ZNF34: variants seen among roughly 807,000 people sequenced by gnomAD.
ZNF34 encodes the protein zinc finger protein 34 (KOX 32).
Under a neutral mutation model 14.4 loss-of-function variants are expected in ZNF34, and 8 were observed. That is an observed-to-expected ratio of 0.55 (90% CI 0.33 to 1.00). The LOEUF (loss-of-function observed/expected upper bound fraction) is 1.00, where lower values mean the gene tolerates loss of function less well. Ranked by LOEUF, ZNF34 falls within the 50% of genes least tolerant of loss-of-function variation. The pLI, the probability that ZNF34 is intolerant of heterozygous loss-of-function variation, is 0.03. For synonymous variants in ZNF34, 235 were observed against 247.9 expected (o/e 0.95, Z 0.49); for missense variants, 538 against 674.2 (o/e 0.80, Z 2.24).
intron 1 of ZNF34, 82 bp from the exon 2 acceptor site, chr8:144,780,362 A>G (rs1437509267): frequency 3.0e-5 from 32 of 1,052,322 alleles, no homozygotes; most frequent in Non-Finnish European, 4.4e-5. Context: ...TGGTAGCTAT[A>G]TATCTTTTCT....
rs371285124 is a variant in ZNF34 at position 144,783,567 on chromosome 8, T to C, written c.-107-3287A>G. Among the ~76,000 whole-genome samples, 57 of 152,250 alleles carry C rather than the reference T, an allele frequency of 3.7e-4. No homozygotes were observed. The East Asian group carries it at 9.5e-3, about 25-fold the overall frequency. The stretch of plus-strand genomic sequence containing the variant: ...AGAGAATAATTAATACCACTTCTAT[T>C]TGTCAGCAATCAGCAACCGAAAACT... On this transcript the variant is annotated intron_variant, in intron 1 of 5. Coordinates refer to ENST00000429371, the MANE Select transcript of ZNF34 (RefSeq NM_001286769.2).
At chr8:144,781,422 T>A (rs1420977415) in intron 1 of ZNF34, among the ~76,000 whole-genome samples, 1 of 150,874 alleles carries the variant, frequency 6.6e-6, no homozygotes, top group Non-Finnish European at 1.5e-5. Context: ...GTGCGTTTAA[T>A]TTTTTTTGTA....
At chr8:144,785,899 AATGTCAAGGAGATAGAGCACAGTT>A (rs1368505623) in intron 1 of ZNF34, among the ~76,000 whole-genome samples, 1 of 152,138 alleles carries the variant, frequency 6.6e-6, no homozygotes, top group African/African-American at 2.4e-5. Context: ...GGTGGAAAGT[AATGTCAAGGAGATAGAGCACAGTT>A]ATAAGGCTGA....
intron 1 of ZNF34, among the ~76,000 whole-genome samples, chr8:144,781,299 T>C (rs1272088245): frequency 4.3e-4 from 65 of 151,020 alleles, no homozygotes; most frequent in African/African-American, 1.5e-3. Flanking sequence ...GACGGAGTCT[T>C]ACTCTGTCGC....
At chr8:144,786,510 T>C (rs1826247364) in intron 1 of ZNF34, among the ~76,000 whole-genome samples, 1 of 151,262 alleles carries the variant, frequency 6.6e-6, no homozygotes, top group Non-Finnish European at 1.5e-5. Flanking sequence ...GGCGGGCGCC[T>C]GTAATCCCAG....
chr8:144,783,602 C>T (rs75735177), intron 1 of ZNF34, among the ~76,000 whole-genome samples: 1 of 152,078 alleles, frequency 6.6e-6, no homozygotes, highest in Admixed American at 6.5e-5. Flanking sequence ...TGACCATTCA[C>T]AATAGCTACA....
At chr8:144,781,346 G>A (rs1371242520) in intron 1 of ZNF34, among the ~76,000 whole-genome samples, 1 of 149,540 alleles carries the variant, frequency 6.7e-6, no homozygotes, top group Non-Finnish European at 1.5e-5. Flanking sequence ...TTGGCTCACT[G>A]CAAGCTCTGC....
chr8:144,773,273 G>C lies in ZNF34; in HGVS notation c.1613C>G (p.Ser538Cys), dbSNP rs940040725. 1 of 1,604,796 alleles carries C rather than the reference G, an allele frequency of 6.2e-7. No homozygotes were observed. The highest frequency in any genetic ancestry group is 8.5e-7 in the Non-Finnish European group (1 of 1,173,264). The change falls in exon 6 of 6, where the codon TCC becomes TGC. Residue 538 changes from serine to cysteine, a missense_variant. Transcript: ENST00000429371. This position sits in a 1 kb window ranked among gnomAD's most constrained non-coding sequence, Gnocchi z 5.4. ...TCGGACACCGCGCCACTGTTACATG[G>C]AGAAGTCCTCCCGGAGGTGAATCCG... ...HQRIHLREDF[S>C]M
chr8:144,773,142 A>G lies in ZNF34; in HGVS notation c.*124T>C, dbSNP rs1825262546. 1.2e-5 allele frequency: 13 copies of G among 1,065,054 alleles called. No homozygotes were observed. Among genetic ancestry groups the G allele is most frequent in the Admixed American group, 3.3e-5 (1 of 30,144 alleles). 66.0% of individuals were successfully genotyped at this position (1,065,054 alleles called of 1,614,324 possible). A position where few individuals can be genotyped will look rare whatever the true frequency, so the allele number is the denominator to read the frequency against. On this transcript the variant is annotated 3_prime_UTR_variant, in exon 6 of 6. Coordinates refer to ENST00000429371, the MANE Select transcript of ZNF34 (RefSeq NM_001286769.2). The surrounding 1 kb of genome is among the most constrained non-coding windows in gnomAD (Gnocchi z 5.4). ...TGATTTAAGAAAAGAGGTTTGTTTAATGAGAAACGTCCTTTCACTCTGTGA... is the reference window on the plus strand; with the variant it reads ...TGATTTAAGAAAAGAGGTTTGTTTAGTGAGAAACGTCCTTTCACTCTGTGA...
intron 5 of ZNF34, among the ~76,000 whole-genome samples, chr8:144,776,803 T>C (rs2130233576): frequency 6.6e-6 from 1 of 150,610 alleles, no homozygotes; most frequent in Non-Finnish European, 1.5e-5. Context: ...TCCCAGCTAC[T>C]CGGGAGGCTG....
intron 5 of ZNF34, 94 bp from the exon 6 acceptor site, chr8:144,774,699 A>G: frequency 6.9e-7 from 1 of 1,451,586 alleles, no homozygotes; most frequent in South Asian, 1.4e-5. Flanking sequence ...AACCAATTTG[A>G]TCATCTCCAA....
At chr8:144,774,639 T>A (rs1474250074) in intron 5 of ZNF34, 34 bp from the exon 6 acceptor site, 1 of 1,572,976 alleles carries the variant, frequency 6.4e-7, no homozygotes, top group Non-Finnish European at 8.6e-7. Context: ...AAGGGTCACC[T>A]GCTCTGACTC....
In ZNF34 at chr8:144,777,259, G is replaced by C. The variant is rs770633159; in HGVS notation, c.280+199C>G. On this transcript the variant is annotated intron_variant, in intron 5 of 5. Coordinates refer to ENST00000429371, the MANE Select transcript of ZNF34 (RefSeq NM_001286769.2). The surrounding 1 kb of genome is among the most constrained non-coding windows in gnomAD (Gnocchi z 4.8). The stretch of plus-strand genomic sequence containing the variant: ...TTCCACAGAAATGCTGCCCTGGAGA[G>C]ATTCTGCTCAATAATCTCCCCACCA... 1.3e-5 allele frequency among the ~76,000 whole-genome samples: 2 copies of C among 152,106 alleles called. No individual in the cohort carries two copies. The highest frequency in any genetic ancestry group is 2.9e-5 in the Non-Finnish European group (2 of 68,024).
rs1348289959 is a variant in ZNF34 at position 144,774,363 on chromosome 8, T to C, written c.523A>G (p.Lys175Glu). 2 of 1,612,940 alleles carry C rather than the reference T, an allele frequency of 1.2e-6. No homozygotes were observed. Among genetic ancestry groups the C allele is most frequent in the African/African-American group, 2.7e-5 (2 of 74,932 alleles). The part of the protein sequence containing the change: ...SRPVPDQRPH[K>E]CDICEQSFEQ... ...AAACTTTGCTCACATATATCACATT[T>C]GTGAGGTCTCTGATCAGGAACAGGT... The change falls in exon 6 of 6, where the codon AAA becomes GAA. Residue 175 changes from lysine (K) to glutamate (E), a missense_variant. This residue lies in a region of ZNF34 where 431 missense variants were observed against 525.7 expected (regional missense o/e 0.82). Transcript: ENST00000429371.
chr8:144,774,638 C>T (rs755767966), intron 5 of ZNF34, 33 bp from the exon 6 acceptor site: 1 of 1,572,806 alleles, frequency 6.4e-7, no homozygotes, highest in South Asian at 1.2e-5. Context: ...TAAGGGTCAC[C>T]TGCTCTGACT....
intron 1 of ZNF34, among the ~76,000 whole-genome samples, chr8:144,784,865 G>A (rs1287612569): frequency 6.6e-6 from 1 of 152,064 alleles, no homozygotes; most frequent in African/African-American, 2.4e-5. Flanking sequence ...GCTCACACCT[G>A]TAATCTCAGT....
In ZNF34 at chr8:144,774,259, T is replaced by A; in HGVS notation, c.627A>T (p.Glu209Asp). The part of the protein sequence containing the change: ...KKTNTVRNSG[E>D]IFSANLVVKE... ...TAACAACTAAGTTTGCACTGAAGAT[T>A]TCCCCAGAGTTACGAACTGTATTTG... Residue 209 changes from glutamate to aspartate, a missense_variant, in exon 6 of 6, where the codon GAA becomes GAT. Glu to Asp is a conservative substitution (Grantham distance 45). This residue lies in a region of ZNF34 where 431 missense variants were observed against 525.7 expected (regional missense o/e 0.82). Coordinates refer to ENST00000429371, the MANE Select transcript of ZNF34 (RefSeq NM_001286769.2). The A allele has an allele frequency of 1.2e-6, 2 of 1,613,986 alleles. No individual in the cohort carries two copies. Among genetic ancestry groups the A allele is most frequent in the Non-Finnish European group, 8.5e-7 (1 of 1,179,870 alleles).
At chr8:144,784,802 T>C (rs1317522641) in intron 1 of ZNF34, among the ~76,000 whole-genome samples, 9 of 149,960 alleles carry the variant, frequency 6.0e-5, no homozygotes, top group Non-Finnish European at 1.3e-4. Context: ...TAAAAGCCTA[T>C]AAAGAAAAAG....
At chr8:144,784,533 G>A (rs576667007) in intron 1 of ZNF34, among the ~76,000 whole-genome samples, 10 of 149,228 alleles carry the variant, frequency 6.7e-5, no homozygotes, top group Admixed American at 6.1e-4. Flanking sequence ...GCCGAGGTGA[G>A]TGGATCACAA....
Sources: allele counts gnomAD v4.1 joint callset (sites outside exome capture counted in the v4.1 genomes callset), GRCh38; gene constraint gnomAD v4.1.1; regional missense constraint gnomAD v4.1.1; non-coding constraint Gnocchi (gnomAD v3.1); transcripts MANE v1.5; gene names NCBI Gene and HGNC (gene_info 2026-07-23, HGNC 2026-07-21).